Variants in FANK1 observed in about 807,000 individuals in gnomAD.
FANK1 encodes the protein fibronectin type 3 and ankyrin repeat domains protein 1.
Under a neutral mutation model 45.3 loss-of-function variants are expected in FANK1, and 44 were observed. That is an observed-to-expected ratio of 0.97 (90% CI 0.76 to 1.25). FANK1 has a LOEUF of 1.25. Among genes scored for constraint, FANK1 ranks in the 50% most tolerant of loss-of-function variants. The pLI is 0.00. For missense variants in FANK1, 391 were observed against 424.4 expected (o/e 0.92, Z 0.69); for synonymous variants, 149 against 152.5 (o/e 0.98, Z 0.17).
At chr10:125,898,489 A>G (rs913186743) in intron 1 of FANK1, among the ~76,000 whole-genome samples, 3 of 152,128 alleles carry the variant, frequency 2.0e-5, no homozygotes, top group Non-Finnish European at 2.9e-5. Context: ...GGGTCTGCAG[A>G]ATGACCCAGC....
chr10:125,946,935 C>T (rs1390939546), intron 1 of FANK1, among the ~76,000 whole-genome samples: 1 of 148,612 alleles, frequency 6.7e-6, no homozygotes, highest in Non-Finnish European at 1.5e-5. Flanking sequence ...CCCTACAAGC[C>T]AGAAGAGAGT....
chr10:125,993,146 A>G (rs960437849), intron 3 of FANK1, among the ~76,000 whole-genome samples: 2 of 152,198 alleles, frequency 1.3e-5, no homozygotes, highest in African/African-American at 4.8e-5. Flanking sequence ...CTTAATTCAT[A>G]GGATTTGATT....
rs976608150 is a variant in FANK1, at chr10:125,986,563, C to G, written c.192-1988C>G. Among the ~76,000 whole-genome samples, 5 of 151,828 alleles carry G rather than the reference C, an allele frequency of 3.3e-5. No homozygotes were observed. The South Asian group carries it at 1.0e-3, about 32-fold the overall frequency. On this transcript the variant is annotated intron_variant, in intron 2 of 10. Transcript: ENST00000368693. ...CAGACTCTTCTGCGCCCTGACTCACCGCAGTGAGAGTACCTAGACCATGAC... is the reference window on the plus strand; with the variant it reads ...CAGACTCTTCTGCGCCCTGACTCACGGCAGTGAGAGTACCTAGACCATGAC...
intron 1 of FANK1, among the ~76,000 whole-genome samples, chr10:125,927,290 CA>C (rs199653246): frequency 0.012 from 1,787 of 152,304 alleles, 24 homozygotes; most frequent in African/African-American, 0.04. Context: ...TGGGCTCAAG[CA>C]AAAGGTATCT....
rs574302719 is a variant in FANK1 at position 125,962,003 on chromosome 10, A to G, written c.14-18158A>G. Among the ~76,000 whole-genome samples the G allele has an allele frequency of 8.9e-4, 136 of 152,312 alleles. 1 individual carries two copies. The highest frequency in any genetic ancestry group is 3.1e-3 in the African/African-American group (129 of 41,552). Reference sequence around the variant, plus strand: ...TAAACAAATGAGATTACATCAAACAAAAAAGCTTCTGCACAGCAAAGGAAA... The same window carrying G: ...TAAACAAATGAGATTACATCAAACAGAAAAGCTTCTGCACAGCAAAGGAAA... On this transcript the variant is annotated intron_variant, in intron 1 of 10. Transcript: ENST00000368693.
intron 1 of FANK1, among the ~76,000 whole-genome samples, chr10:125,970,063 TTTTCCCCACA>T (rs1164191610): frequency 3.3e-5 from 5 of 152,194 alleles, no homozygotes; most frequent in African/African-American, 1.2e-4. Flanking sequence ...TCTCTCTTTC[TTTTCCCCACA>T]TTTCCCCCTT....
intron 1 of FANK1, among the ~76,000 whole-genome samples, chr10:125,949,803 G>T (rs985358113): frequency 1.3e-5 from 2 of 149,436 alleles, no homozygotes; most frequent in South Asian, 2.2e-4. Flanking sequence ...AGCCTGCATC[G>T]CCAAGTCAAT....
chr10:125,957,238 G>C (rs908547811), intron 1 of FANK1, among the ~76,000 whole-genome samples: 1 of 152,110 alleles, frequency 6.6e-6, no homozygotes. Flanking sequence ...CCTTACGACA[G>C]TATTCTTCCA....
intron 1 of FANK1, among the ~76,000 whole-genome samples, chr10:125,903,080 C>G (rs1293050804): frequency 1.3e-5 from 2 of 152,310 alleles, no homozygotes; most frequent in Non-Finnish European, 2.9e-5. Context: ...CGACTTGAGG[C>G]TTGAAGCCGT....
chr10:125,916,270 G>A (rs540738675), intron 1 of FANK1, among the ~76,000 whole-genome samples: 1 of 151,922 alleles, frequency 6.6e-6, no homozygotes, highest in Non-Finnish European at 1.5e-5. Context: ...CTCTTGACCC[G>A]CCTGCCTTGG....
chr10:125,954,346 A>C (rs760732030), intron 1 of FANK1, among the ~76,000 whole-genome samples: 1 of 152,216 alleles, frequency 6.6e-6, no homozygotes, highest in Non-Finnish European at 1.5e-5. Flanking sequence ...AGGATGCTGA[A>C]CAAGCTAAAC....
At chr10:125,993,327 T>C (rs1952072432) in intron 3 of FANK1, among the ~76,000 whole-genome samples, 1 of 152,186 alleles carries the variant, frequency 6.6e-6, no homozygotes. Flanking sequence ...AACATACCAC[T>C]TTTCTTCTCC....
intron 1 of FANK1, chr10:125,960,374 C>G: frequency 5.0e-6 from 1 of 201,468 alleles, no homozygotes. Context: ...CCACCAGGCG[C>G]TGCAGGGCAC....
chr10:125,933,192 T>C (rs371010123), intron 1 of FANK1, among the ~76,000 whole-genome samples: 78 of 152,074 alleles, frequency 5.1e-4, no homozygotes, highest in African/African-American at 1.8e-3. Flanking sequence ...CTGATTTTGG[T>C]ATTAGGGTGA....
At chr10:125,963,944 C>T (rs955759539) in intron 1 of FANK1, among the ~76,000 whole-genome samples, 1 of 151,680 alleles carries the variant, frequency 6.6e-6, no homozygotes, top group Non-Finnish European at 1.5e-5. Flanking sequence ...ACCTGGATAC[C>T]TATTTAGTTG....
At chr10:125,998,150 C>A (rs1193444464) in intron 6 of FANK1, among the ~76,000 whole-genome samples, 1 of 152,222 alleles carries the variant, frequency 6.6e-6, no homozygotes, top group Non-Finnish European at 1.5e-5. Flanking sequence ...TGCTTTGGCA[C>A]ATGGGTGAAA....
intron 1 of FANK1, chr10:125,979,780 C>G (rs1951081557): frequency 2.2e-6 from 1 of 460,504 alleles, no homozygotes; most frequent in African/African-American, 2.0e-5. Context: ...GTTCCACATA[C>G]TTGGATCAGA....
At chr10:125,908,822 A>T (rs545295918) in intron 1 of FANK1, among the ~76,000 whole-genome samples, 296 of 152,412 alleles carry the variant, frequency 1.9e-3, no homozygotes, top group African/African-American at 6.8e-3. Flanking sequence ...TGAAATCCTG[A>T]CCCACAGAAA....
chr10:125,983,287 C>T lies in FANK1; in HGVS notation c.191+2949C>T, dbSNP rs941977661. Among the ~76,000 whole-genome samples the T allele has an allele frequency of 2.0e-5, 3 of 152,124 alleles. No homozygotes were observed. Among genetic ancestry groups the T allele is most frequent in the Admixed American group, 6.5e-5 (1 of 15,274 alleles). On this transcript the variant is annotated intron_variant, in intron 2 of 10. Transcript: ENST00000368693. The surrounding 1 kb of genome is among the most constrained non-coding windows in gnomAD (Gnocchi z 4.3). ...TACCCTATTGTCTGTGCCCTAAATT[C>T]CTGTGATCGTTGCTGCCCATGCCAC... is the stretch of plus-strand genomic sequence containing the variant.
Sources: gnomAD v4.1 joint callset for allele counts (sites outside exome capture counted in the v4.1 genomes callset) on GRCh38, gnomAD v4.1.1 for gene constraint, Gnocchi (gnomAD v3.1) non-coding constraint, MANE v1.5 for transcripts, NCBI Gene and HGNC (gene_info 2026-07-23, HGNC 2026-07-21) for gene names.